The following SNTG2 variants were observed in gnomAD, a reference collection of about 807,000 sequenced individuals.
SNTG2 encodes the protein syntrophin gamma 2.
SNTG2 carries 74 observed loss-of-function variants against 70.9 expected under a neutral mutation model. That is an observed-to-expected ratio of 1.04 (90% CI 0.86 to 1.27). The LOEUF (loss-of-function observed/expected upper bound fraction) is 1.27. Ranked by LOEUF, SNTG2 falls within the 50% of genes most tolerant of loss-of-function variation. SNTG2 has a pLI of 0.00. For synonymous variants in SNTG2, 278 were observed against 273.8 expected, an observed-to-expected ratio of 1.02 and a Z score of -0.15; for missense variants, 717 against 690.7, an observed-to-expected ratio of 1.04 and a Z score of -0.43.
intron 1 of SNTG2, among the ~76,000 whole-genome samples, chr2:958,791 G>T (rs115831348): frequency 6.6e-6 from 1 of 152,054 alleles, no homozygotes; most frequent in Admixed American, 6.5e-5. Context: ...ATGTAGTACA[G>T]TAAAATGTAC....
At chr2:1,006,197 A>G in intron 1 of SNTG2, among the ~76,000 whole-genome samples, 1 of 150,728 alleles carries the variant, frequency 6.6e-6, no homozygotes, top group African/African-American at 2.4e-5. Flanking sequence ...GCATTGGGAG[A>G]TATACCTAAT....
At chr2:1,030,288 G>C (rs551455420) in intron 1 of SNTG2, among the ~76,000 whole-genome samples, 1 of 152,220 alleles carries the variant, frequency 6.6e-6, no homozygotes, top group African/African-American at 2.4e-5. Context: ...GACGTGCTTC[G>C]TGCTTAGAAA....
chr2:1,351,022 C>T (rs778962599), intron 16 of SNTG2, among the ~76,000 whole-genome samples: 4 of 151,882 alleles, frequency 2.6e-5, no homozygotes, highest in South Asian at 2.1e-4. Flanking sequence ...CATCTCCCCA[C>T]GAAATTGACC....
chr2:1,208,875 T>C (rs4971412), intron 8 of SNTG2, among the ~76,000 whole-genome samples: 47,647 of 152,014 alleles, frequency 0.31, 8,033 homozygotes, highest in East Asian at 0.66. Context: ...CTTCAGCTTC[T>C]TCTCTTTCGT....
chr2:1,189,416 T>G lies in SNTG2; in HGVS notation c.591+16233T>G, dbSNP rs76658869. Among the ~76,000 whole-genome samples the G allele has an allele frequency of 2.0e-3, 304 of 152,258 alleles. 8 individuals carry two copies. In the East Asian group the frequency reaches 0.055, roughly 28 times the overall value. On this transcript the variant is annotated intron_variant, in intron 8 of 16. Transcript: ENST00000308624. ...TTGTAAGAGCAAAGTCCCAGCATAG[T>G]CAAGGTATTATTGAAGCAGGAGTTG...
intron 1 of SNTG2, among the ~76,000 whole-genome samples, chr2:984,424 A>G (rs2147970930): frequency 6.6e-6 from 1 of 151,946 alleles, no homozygotes; most frequent in South Asian, 2.1e-4. Context: ...TTTTCATTTC[A>G]CTCATTTCTC....
At chr2:1,078,477 C>G (rs1362935710) in intron 1 of SNTG2, among the ~76,000 whole-genome samples, 3 of 151,748 alleles carry the variant, frequency 2.0e-5, no homozygotes, top group Non-Finnish European at 4.4e-5. Flanking sequence ...GCAGGTATGG[C>G]AGGATTGCAG....
At chr2:1,229,767 T>C (rs1407723727) in intron 9 of SNTG2, among the ~76,000 whole-genome samples, 1 of 152,118 alleles carries the variant, frequency 6.6e-6, no homozygotes, top group African/African-American at 2.4e-5. Flanking sequence ...CAAGGCCCAG[T>C]GAGAAATTGA....
chr2:1,048,152 C>T (rs913004394), intron 1 of SNTG2, among the ~76,000 whole-genome samples: 2 of 152,076 alleles, frequency 1.3e-5, no homozygotes, highest in Non-Finnish European at 2.9e-5. Context: ...CGCATTGTCT[C>T]TTTCTATTGA....
intron 16 of SNTG2, among the ~76,000 whole-genome samples, chr2:1,320,772 C>G (rs982838121): frequency 6.6e-6 from 1 of 151,980 alleles, no homozygotes; most frequent in Non-Finnish European, 1.5e-5. Context: ...GTTTGTTATT[C>G]ATGCAAATTA....
At chr2:1,210,940 C>T (rs536300385) in intron 9 of SNTG2, among the ~76,000 whole-genome samples, 46 of 152,204 alleles carry the variant, frequency 3.0e-4, no homozygotes, top group African/African-American at 9.2e-4. Flanking sequence ...GTGCACCCTA[C>T]GATGTAAACA....
At chr2:1,088,267 C>T (rs963038223) in intron 2 of SNTG2, among the ~76,000 whole-genome samples, 2 of 152,178 alleles carry the variant, frequency 1.3e-5, no homozygotes. Context: ...AGTTTGTTAA[C>T]TCTTCCATTT....
intron 16 of SNTG2, among the ~76,000 whole-genome samples, chr2:1,354,912 C>A (rs576047730): frequency 6.6e-6 from 1 of 152,192 alleles, no homozygotes; most frequent in Non-Finnish European, 1.5e-5. Context: ...TCACAGGCAA[C>A]GGGGTCTAAG....
At chr2:1,000,816 A>T (rs1659353105) in intron 1 of SNTG2, among the ~76,000 whole-genome samples, 1 of 151,986 alleles carries the variant, frequency 6.6e-6, no homozygotes, top group Non-Finnish European at 1.5e-5. Flanking sequence ...CACAACAAAA[A>T]AGAAAGCTAC....
chr2:1,221,307 G>GTCCC (rs1674766196), intron 9 of SNTG2, among the ~76,000 whole-genome samples: 3 of 3,994 alleles, frequency 7.5e-4, no homozygotes, highest in African/African-American at 2.1e-3. Context: ...GTCCCTCTCT[G>GTCCC]TCTCTGTCTC....
chr2:1,282,600 C>T (rs913846032), intron 14 of SNTG2, among the ~76,000 whole-genome samples: 4 of 152,210 alleles, frequency 2.6e-5, no homozygotes, highest in African/African-American at 7.2e-5. Flanking sequence ...TGCAAGGTCC[C>T]GCCAAGCATC....
At chr2:1,228,417 C>G (rs1176778281) in intron 9 of SNTG2, among the ~76,000 whole-genome samples, 1 of 152,232 alleles carries the variant, frequency 6.6e-6, no homozygotes, top group Non-Finnish European at 1.5e-5. Context: ...GCTGTCCAGC[C>G]CCTGGGAGAC....
intron 14 of SNTG2, among the ~76,000 whole-genome samples, chr2:1,306,488 G>C (rs1680671712): frequency 6.6e-6 from 1 of 152,222 alleles, no homozygotes; most frequent in Non-Finnish European, 1.5e-5. Context: ...CAGAATGAGA[G>C]ACAAGTGAGG....
At chr2:1,294,148 T>A (rs1572934297) in intron 14 of SNTG2, among the ~76,000 whole-genome samples, 1 of 152,206 alleles carries the variant, frequency 6.6e-6, no homozygotes, top group African/African-American at 2.4e-5. Flanking sequence ...CAGTGGCTCC[T>A]ATTTTTTGGA....
Sources: gnomAD v4.1 joint callset for allele counts (sites outside exome capture counted in the v4.1 genomes callset) on GRCh38, gnomAD v4.1.1 for gene constraint, MANE v1.5 for transcripts, NCBI Gene and HGNC (gene_info 2026-07-23, HGNC 2026-07-21) for gene names.